Variants in SLC9B1 observed in about 807,000 individuals in gnomAD.
SLC9B1 encodes sodium/hydrogen exchanger 9B1.
Under a neutral mutation model 51.7 loss-of-function variants are expected in SLC9B1, and 32 were observed. The ratio of observed to expected loss-of-function variants is 0.62; its 90% CI spans 0.47 to 0.83. The LOEUF (loss-of-function observed/expected upper bound fraction) is 0.83. SLC9B1 is among the 40% of genes least tolerant of loss of function. The probability of loss-of-function intolerance (pLI) is 0.00; values close to 1 mark genes in which losing one functional copy is unlikely to be tolerated. For missense variants in SLC9B1, 406 were observed against 613.2 expected (o/e 0.66, Z 3.57); for synonymous variants, 145 against 212.7 (o/e 0.68, Z 2.77).
Position 102,950,599 on chromosome 4 carries a change from A to C in SLC9B1, c.212-1172T>G, listed in dbSNP as rs537532609. 9.7e-4 allele frequency among the ~76,000 whole-genome samples: 147 copies of C among 152,244 alleles called. 4 individuals are homozygous for C. Among genetic ancestry groups the C allele is most frequent in the Admixed American group, 7.8e-4 (12 of 15,288 alleles). On this transcript the variant is annotated intron_variant, in intron 3 of 11. Transcript: ENST00000296422. The stretch of plus-strand genomic sequence containing the variant: ...GGGTAAAAGAGGACGATTTTGACTC[A>C]CTCCAGGCAGAAAGTTAGAACAAAG...
At chr4:102,927,755 A>G (rs953667049) in intron 7 of SLC9B1, among the ~76,000 whole-genome samples, 1 of 152,164 alleles carries the variant, frequency 6.6e-6, no homozygotes, top group African/African-American at 2.4e-5. Flanking sequence ...AAATCATGCT[A>G]CTATAAAGAC....
At chr4:102,972,197 T>G (rs1335397138) in intron 3 of SLC9B1, among the ~76,000 whole-genome samples, 1 of 152,108 alleles carries the variant, frequency 6.6e-6, no homozygotes, top group Non-Finnish European at 1.5e-5. Flanking sequence ...AAAAAAAGAA[T>G]TTTAGACCAA....
chr4:102,886,638 C>T (rs1227932058), intron 11 of SLC9B1, among the ~76,000 whole-genome samples: 1 of 151,846 alleles, frequency 6.6e-6, no homozygotes, highest in Non-Finnish European at 1.5e-5. Flanking sequence ...TTGCGGGGGA[C>T]AGAGTCTTGC....
Position 102,973,995 on chromosome 4 carries a change from G to T in SLC9B1, c.211+15805C>A, listed in dbSNP as rs200849513. ...TCAGGCCTGTAATCCCAGCACTTTGGGAGGTCAAGGCGGGCGGATTACCTG... is the reference window on the plus strand; with the variant it reads ...TCAGGCCTGTAATCCCAGCACTTTGTGAGGTCAAGGCGGGCGGATTACCTG... On this transcript the variant is annotated intron_variant, in intron 3 of 11. Coordinates refer to ENST00000296422, the MANE Select transcript of SLC9B1 (RefSeq NM_139173.4). Among the ~76,000 whole-genome samples the T allele has an allele frequency of 5.9e-5, 9 of 152,192 alleles. No individual in the cohort carries two copies. In the East Asian group the frequency reaches 1.7e-3, roughly 29 times the overall value.
chr4:102,906,653 A>T lies in SLC9B1; in HGVS notation c.1087-9T>A. 7.0e-7 allele frequency: 1 copy of T among 1,431,786 alleles called. No homozygotes were observed. Among genetic ancestry groups the T allele is most frequent in the Non-Finnish European group, 9.6e-7 (1 of 1,038,878 alleles). 88.7% of individuals were successfully genotyped at this position (1,431,786 alleles called of 1,614,324 possible). On this transcript the variant is annotated splice_polypyrimidine_tract_variant and intron_variant, in intron 9 of 11. Transcript: ENST00000296422. Reference sequence around the variant, plus strand: ...ATCTTTTGGACTTTCATCTATAGAAAAGAGAAATACATTTATAATGATTTT... The same window carrying T: ...ATCTTTTGGACTTTCATCTATAGAATAGAGAAATACATTTATAATGATTTT...
intron 7 of SLC9B1, among the ~76,000 whole-genome samples, chr4:102,921,297 T>C (rs1316162659): frequency 1.3e-5 from 2 of 152,172 alleles, no homozygotes; most frequent in African/African-American, 4.8e-5. Flanking sequence ...CAGAATTTCA[T>C]ATCCAGCCAA....
chr4:102,985,679 A>G (rs1739581705), intron 3 of SLC9B1, among the ~76,000 whole-genome samples: 1 of 151,872 alleles, frequency 6.6e-6, no homozygotes, highest in African/African-American at 2.4e-5. Context: ...GCCTGCCACC[A>G]TGCCCGGCTA....
intron 6 of SLC9B1, among the ~76,000 whole-genome samples, chr4:102,935,013 G>T (rs1264243722): frequency 6.6e-6 from 1 of 151,536 alleles, no homozygotes; most frequent in Non-Finnish European, 1.5e-5. Context: ...TTGTGTATTG[G>T]CAATTCTGTC....
intron 5 of SLC9B1, among the ~76,000 whole-genome samples, chr4:102,946,260 C>T (rs899862160): frequency 2.0e-5 from 3 of 152,068 alleles, no homozygotes; most frequent in Non-Finnish European, 4.4e-5. Context: ...AATTAGGGTG[C>T]CAATATTTCT....
chr4:102,922,904 G>C (rs1735955344), intron 7 of SLC9B1, among the ~76,000 whole-genome samples: 2 of 152,068 alleles, frequency 1.3e-5, no homozygotes, highest in South Asian at 4.1e-4. Context: ...TGAAATTGAG[G>C]CAATAATTAA....
rs6844122 is a variant in SLC9B1 at position 102,927,339 on chromosome 4, C to T, written c.829+4785G>A. On this transcript the variant is annotated intron_variant, in intron 7 of 11. Coordinates refer to ENST00000296422, the MANE Select transcript of SLC9B1 (RefSeq NM_139173.4). ...AACCTACAGAATGGGAGACAAATTGCGATCTACCCATTTGACAAAGAAAGA... is the reference window on the plus strand; with the variant it reads ...AACCTACAGAATGGGAGACAAATTGTGATCTACCCATTTGACAAAGAAAGA... Among the ~76,000 whole-genome samples the T allele has an allele frequency of 6.9e-3, 1,040 of 151,062 alleles. 5 individuals carry two copies. The highest frequency in any genetic ancestry group is 9.7e-3 in the Non-Finnish European group (656 of 67,652).
chr4:102,887,279 A>G (rs1733976444), intron 11 of SLC9B1: 2 of 1,000,350 alleles, frequency 2.0e-6, no homozygotes, highest in South Asian at 1.3e-5. Context: ...GCATTTCACA[A>G]ATGTTTCTAC....
At chr4:102,940,467 C>G (rs112324997) in intron 6 of SLC9B1, among the ~76,000 whole-genome samples, 13,608 of 152,040 alleles carry the variant, frequency 0.09, 790 homozygotes, top group Admixed American at 0.15. Context: ...TCCTATCATA[C>G]TATCAATGAC....
At chr4:102,898,188 A>C (rs1383227320), downstream of SLC9B1, 2 of 519,642 alleles carry the variant, frequency 3.8e-6, no homozygotes, top group Non-Finnish European at 3.9e-6. Context: ...CCACCAAGCT[A>C]AAGAGGCTGC....
At chr4:102,941,825 A>C (rs779560948) in intron 6 of SLC9B1, among the ~76,000 whole-genome samples, 1 of 151,958 alleles carries the variant, frequency 6.6e-6, no homozygotes, top group Non-Finnish European at 1.5e-5. Flanking sequence ...AGACAAGAGA[A>C]AGAAATAAAG....
intron 6 of SLC9B1, among the ~76,000 whole-genome samples, chr4:102,932,787 T>C (rs769218716): frequency 6.6e-6 from 1 of 152,242 alleles, no homozygotes; most frequent in Non-Finnish European, 1.5e-5. Flanking sequence ...GAGAGACCTC[T>C]GGGGAAACCA....
At chr4:102,991,738 A>T (rs1289199659) in intron 1 of SLC9B1, 26 bp from the exon 2 acceptor site, 2 of 1,465,304 alleles carry the variant, frequency 1.4e-6, no homozygotes, top group African/African-American at 1.4e-5. Context: ...AAAATACTTT[A>T]AAAGAAGAAA....
intron 3 of SLC9B1, among the ~76,000 whole-genome samples, chr4:102,957,809 C>T (rs1241750751): frequency 2.0e-5 from 3 of 151,460 alleles, no homozygotes; most frequent in South Asian, 4.2e-4. Flanking sequence ...TGTGTGTATT[C>T]TGATTTCATC....
intron 6 of SLC9B1, among the ~76,000 whole-genome samples, chr4:102,941,650 A>C: frequency 9.3e-6 from 1 of 107,362 alleles, no homozygotes; most frequent in Non-Finnish European, 1.8e-5. Flanking sequence ...AAAAAAAAAA[A>C]AAAAAAAAAA....
Sources: gnomAD v4.1 joint callset for allele counts (sites outside exome capture counted in the v4.1 genomes callset) on GRCh38, gnomAD v4.1.1 for gene constraint, MANE v1.5 for transcripts, NCBI Gene and HGNC (gene_info 2026-07-23, HGNC 2026-07-21) for gene names.